The following GTF2H3 variants were observed in gnomAD, a reference collection of about 807,000 sequenced individuals.
GTF2H3 encodes general transcription factor IIH subunit 3.
GTF2H3 carries 42 observed loss-of-function variants against 51.1 expected under a neutral mutation model. That is an observed-to-expected ratio of 0.82 (90% confidence interval 0.64 to 1.06). The LOEUF is 1.06. Among genes scored for constraint, GTF2H3 ranks in the 50% least tolerant of loss-of-function variants. The pLI, the probability that GTF2H3 is intolerant of heterozygous loss-of-function variation, is 0.00. For synonymous variants in GTF2H3, 123 were observed against 123.8 expected, an observed-to-expected ratio of 0.99 and a Z score of 0.04; for missense variants, 326 against 366.1, an observed-to-expected ratio of 0.89 and a Z score of 0.89.
chr12:123,652,165 A>C (rs1955528685), intron 5 of GTF2H3, among the ~76,000 whole-genome samples: 1 of 152,190 alleles, frequency 6.6e-6, no homozygotes, highest in Non-Finnish European at 1.5e-5. Context: ...GAGGAGGGGC[A>C]GTATTGAGTG....
chr12:123,642,880 T>G (rs1261821155), intron 2 of GTF2H3, among the ~76,000 whole-genome samples: 1 of 152,144 alleles, frequency 6.6e-6, no homozygotes, highest in East Asian at 1.9e-4. Context: ...ACCATACTCT[T>G]TTTTCTTTTT....
chr12:123,659,948 G>A lies in GTF2H3; in HGVS notation c.820+18G>A, dbSNP rs756560611. 1.2e-6 allele frequency: 2 copies of A among 1,607,740 alleles called. No homozygotes were observed. The highest frequency in any genetic ancestry group is 2.3e-5 in the South Asian group (2 of 88,716). ...TTTGTCAAGTAAGTTAATGTACCTAGTTTTTCTTTTTTTTCTATGTTGGGG... is the reference window on the plus strand; with the variant it reads ...TTTGTCAAGTAAGTTAATGTACCTAATTTTTCTTTTTTTTCTATGTTGGGG... On this transcript the variant is annotated intron_variant, in intron 11 of 12. Transcript: ENST00000543341.
At chr12:123,653,017 G>T (rs1955538289) in intron 7 of GTF2H3, among the ~76,000 whole-genome samples, 1 of 151,964 alleles carries the variant, frequency 6.6e-6, no homozygotes, top group African/African-American at 2.4e-5. Context: ...GGCAGAGGTT[G>T]CAGTGAGCTG....
At chr12:123,646,000 T>TA (rs1256512271) in intron 3 of GTF2H3, among the ~76,000 whole-genome samples, 2 of 152,156 alleles carry the variant, frequency 1.3e-5, no homozygotes, top group African/African-American at 4.8e-5. Flanking sequence ...GGATTTTTCT[T>TA]ATAACGTTGG....
chr12:123,641,402 T>C (rs1955369686), intron 2 of GTF2H3, among the ~76,000 whole-genome samples: 2 of 152,036 alleles, frequency 1.3e-5, no homozygotes, highest in East Asian at 1.9e-4. Flanking sequence ...ATTTTTGTAT[T>C]GTTAGTAGAG....
intron 1 of GTF2H3, among the ~76,000 whole-genome samples, chr12:123,635,221 C>T (rs1191765628): frequency 6.6e-6 from 1 of 152,106 alleles, no homozygotes; most frequent in Non-Finnish European, 1.5e-5. Context: ...GTGCTTCTGT[C>T]CTAGGTGCTT....
At chr12:123,643,558 A>G (rs559477509) in intron 2 of GTF2H3, among the ~76,000 whole-genome samples, 7 of 152,244 alleles carry the variant, frequency 4.6e-5, no homozygotes, top group East Asian at 3.9e-4. Flanking sequence ...CGTAATCTCA[A>G]TTTGCTTCCA....
intron 1 of GTF2H3, 95 bp from the exon 2 acceptor site, chr12:123,639,169 G>A: frequency 1.5e-6 from 1 of 687,986 alleles, no homozygotes; most frequent in East Asian, 2.7e-5. Context: ...GCATATAGTG[G>A]TGCTCTGGAT....
At chr12:123,642,269 C>G (rs1459375779) in intron 2 of GTF2H3, among the ~76,000 whole-genome samples, 2 of 151,676 alleles carry the variant, frequency 1.3e-5, no homozygotes, top group Non-Finnish European at 2.9e-5. Flanking sequence ...CTCCCGAGTT[C>G]AAGCAATTCT....
chr12:123,652,596 C>G, intron 6 of GTF2H3, 35 bp downstream of exon 6: 1 of 1,502,324 alleles, frequency 6.7e-7, no homozygotes, highest in Non-Finnish European at 9.1e-7. Flanking sequence ...GAACTGTAAT[C>G]CTACTTATTT....
rs142387582 is a variant in GTF2H3 at position 123,651,356 on chromosome 12, C to T, written c.427+300C>T. 3.8e-3 allele frequency among the ~76,000 whole-genome samples: 584 copies of T among 152,162 alleles called. 3 individuals are homozygous for T. The highest frequency in any genetic ancestry group is 0.014 in the African/African-American group (564 of 41,532). ...CTCCCAAGTAGCTGGTACAGGCACCCGCCATCACTCCCGGCTAATTTTTTT... is the reference window on the plus strand; with the variant it reads ...CTCCCAAGTAGCTGGTACAGGCACCTGCCATCACTCCCGGCTAATTTTTTT... On this transcript the variant is annotated intron_variant, in intron 5 of 12. Transcript: ENST00000543341.
chr12:123,639,905 G>C, intron 2 of GTF2H3: 2 of 454,812 alleles, frequency 4.4e-6, no homozygotes, highest in South Asian at 1.6e-5. Flanking sequence ...GTGCGTGTAT[G>C]TGTGTGGTTC....
chr12:123,646,506 T>G (rs1037834579), intron 3 of GTF2H3, among the ~76,000 whole-genome samples: 2 of 152,136 alleles, frequency 1.3e-5, no homozygotes, highest in Non-Finnish European at 2.9e-5. Context: ...AAGCAGTCCT[T>G]TCACCCCAGC....
intron 3 of GTF2H3, 54 bp downstream of exon 3, chr12:123,645,615 CTGTGCCAGT>C (rs1375519131): frequency 1.1e-6 from 1 of 927,542 alleles, no homozygotes; most frequent in Non-Finnish European, 1.8e-6. Context: ...CATGAGTTTT[CTGTGCCAGT>C]TGGCATGTAT....
At chr12:123,656,943 C>T (rs1171544028) in intron 9 of GTF2H3, among the ~76,000 whole-genome samples, 2 of 152,004 alleles carry the variant, frequency 1.3e-5, no homozygotes, top group African/African-American at 4.8e-5. Context: ...AAAAAATTAG[C>T]CTATCATGGT....
At chr12:123,644,376 A>G (rs1955418427) in intron 2 of GTF2H3, among the ~76,000 whole-genome samples, 1 of 152,022 alleles carries the variant, frequency 6.6e-6, no homozygotes, top group African/African-American at 2.4e-5. Context: ...TCAAACTTTA[A>G]AAGTTTTTAG....
chr12:123,639,834 G>T, intron 2 of GTF2H3: 1 of 362,322 alleles, frequency 2.8e-6, no homozygotes, highest in Non-Finnish European at 5.8e-6. Context: ...AACTATCAGT[G>T]CAATCTACAG....
Position 123,660,099 on chromosome 12 carries a change from T to C in GTF2H3, c.857+17T>C, listed in dbSNP as rs957206812. Reference sequence around the variant, plus strand: ...TACGTGCGAGTAAGTATCTTTGAGATTGTGTGGGTGGCTAATACTTCACAG... The same window carrying C: ...TACGTGCGAGTAAGTATCTTTGAGACTGTGTGGGTGGCTAATACTTCACAG... On this transcript the variant is annotated intron_variant, in intron 12 of 12. Transcript: ENST00000543341. 3 of 1,608,836 alleles carry C rather than the reference T, an allele frequency of 1.9e-6. No homozygotes were observed. In the South Asian group the frequency reaches 3.4e-5, roughly 18 times the overall value.
intron 7 of GTF2H3, 95 bp from the exon 8 acceptor site, chr12:123,654,829 A>G: frequency 1.2e-6 from 1 of 810,294 alleles, no homozygotes; most frequent in Non-Finnish European, 2.2e-6. Context: ...GACAAACTGG[A>G]ATAATGTTGG....
Sources: gnomAD v4.1 joint callset for allele counts (sites outside exome capture counted in the v4.1 genomes callset) on GRCh38, gnomAD v4.1.1 for gene constraint, MANE v1.5 for transcripts, NCBI Gene and HGNC (gene_info 2026-07-23, HGNC 2026-07-21) for gene names.